KYNU: variants seen among roughly 807,000 people sequenced by gnomAD.
KYNU encodes L-kynurenine hydrolase.
In KYNU, 54 loss-of-function variants were observed where a neutral mutation model predicts 59.2. The ratio of observed to expected loss-of-function variants is 0.91; its 90% CI spans 0.73 to 1.14. The LOEUF is 1.14. Ranked by LOEUF, KYNU falls within the 50% of genes most tolerant of loss-of-function variation. The pLI is 0.00. For missense variants in KYNU, 567 were observed against 554.4 expected (o/e 1.02, Z -0.23); for synonymous variants, 177 against 192.0 (o/e 0.92, Z 0.65).
intron 10 of KYNU, among the ~76,000 whole-genome samples, chr2:143,023,506 C>G (rs1028364406): frequency 3.3e-5 from 5 of 151,864 alleles, no homozygotes; most frequent in African/African-American, 1.2e-4. Context: ...CTGTCATGGA[C>G]TTAGGTTAAT....
rs1470582478 is a variant in KYNU at position 143,054,838 on chromosome 2, A to G, written c.*12666A>G. 1.3e-5 allele frequency: 2 copies of G among 152,220 alleles called. No individual in the cohort carries two copies. The highest frequency in any genetic ancestry group is 4.8e-5 in the African/African-American group (2 of 41,454). The allele number at this position is 152,220 out of a possible 1,614,324, so 9.4% of individuals were successfully genotyped here. On this transcript the variant is annotated 3_prime_UTR_variant, in exon 14 of 14. Transcript: ENST00000264170. Reference sequence around the variant, plus strand: ...AGAAGGCACTACCCTGAATTATGAGACTGAAGAGATATAATAAACAAATGC... The same window carrying G: ...AGAAGGCACTACCCTGAATTATGAGGCTGAAGAGATATAATAAACAAATGC...
chr2:142,947,160 GTAA>G, intron 4 of KYNU: 1 of 1,551,082 alleles, frequency 6.4e-7, no homozygotes. Context: ...CTCAGTATGT[GTAA>G]TCTTAAGTCA....
At chr2:142,903,198 G>A (rs943756650) in intron 2 of KYNU, among the ~76,000 whole-genome samples, 3 of 152,028 alleles carry the variant, frequency 2.0e-5, no homozygotes, top group Non-Finnish European at 4.4e-5. Flanking sequence ...AGTCCTTGTT[G>A]GGCCTCGGGT....
At chr2:142,924,458 T>C (rs183745918) in intron 3 of KYNU, among the ~76,000 whole-genome samples, 128 of 152,250 alleles carry the variant, frequency 8.4e-4, no homozygotes, top group Admixed American at 1.4e-3. Flanking sequence ...AAAAAAATTA[T>C]AATGTAATGA....
At chr2:142,960,165 G>C (rs557543707) in intron 7 of KYNU, among the ~76,000 whole-genome samples, 1 of 152,290 alleles carries the variant, frequency 6.6e-6, no homozygotes, top group African/African-American at 2.4e-5. Flanking sequence ...AGGATTACAG[G>C]CGTGAGCCAC....
intron 2 of KYNU, among the ~76,000 whole-genome samples, chr2:142,913,340 T>C (rs1160984005): frequency 6.6e-6 from 1 of 152,238 alleles, no homozygotes; most frequent in African/African-American, 2.4e-5. Context: ...CTATAAGTTT[T>C]CCTCATAATA....
Position 143,016,902 on chromosome 2 carries a change from G to A in KYNU, c.903-12725G>A, listed in dbSNP as rs570159751. 1.5e-3 allele frequency among the ~76,000 whole-genome samples: 222 copies of A among 152,042 alleles called. 1 individual carries two copies. The highest frequency in any genetic ancestry group is 5.0e-3 in the African/African-American group (208 of 41,448). On this transcript the variant is annotated intron_variant, in intron 10 of 13. Coordinates refer to ENST00000264170, the MANE Select transcript of KYNU (RefSeq NM_003937.3). ...TTCTCAATCCCCTCCCTCTCTCCTC[G>A]CTTTAGTAGTCCGCAGTGTCTGTTG...
At chr2:142,919,072 A>G (rs564249751) in intron 3 of KYNU, among the ~76,000 whole-genome samples, 100 of 152,360 alleles carry the variant, frequency 6.6e-4, no homozygotes, top group African/African-American at 2.3e-3. Context: ...AAGTCTGTAC[A>G]TGTTTAGTAT....
chr2:143,017,434 C>CTTTTT (rs1184177776), intron 10 of KYNU, among the ~76,000 whole-genome samples: 91 of 68,464 alleles, frequency 1.3e-3, no homozygotes, highest in Admixed American at 2.0e-3. Flanking sequence ...TCTCTTTTTT[C>CTTTTT]TTTTTTTTTT....
intron 10 of KYNU, 35 bp downstream of exon 10, chr2:142,986,056 A>T: frequency 1.4e-6 from 2 of 1,439,220 alleles, no homozygotes; most frequent in Non-Finnish European, 2.0e-6. Context: ...TTTGGTGATG[A>T]ACAAATTAAT....
At chr2:142,942,752 C>A (rs1466601298) in intron 4 of KYNU, among the ~76,000 whole-genome samples, 1 of 152,196 alleles carries the variant, frequency 6.6e-6, no homozygotes, top group Non-Finnish European at 1.5e-5. Flanking sequence ...AGATCAAGTG[C>A]ATGGTTTGAC....
intron 3 of KYNU, among the ~76,000 whole-genome samples, chr2:142,925,443 G>A (rs1391702863): frequency 2.0e-5 from 3 of 152,130 alleles, no homozygotes; most frequent in Non-Finnish European, 4.4e-5. Flanking sequence ...GCTGATGAAG[G>A]TAGTTTTAGC....
intron 12 of KYNU, among the ~76,000 whole-genome samples, chr2:143,038,689 C>T (rs1686956420): frequency 6.6e-6 from 1 of 152,104 alleles, no homozygotes; most frequent in Admixed American, 6.6e-5. Context: ...ATATCATTTA[C>T]CTTCAGTACA....
chr2:143,005,572 A>G (rs1685853412), intron 10 of KYNU, among the ~76,000 whole-genome samples: 1 of 152,152 alleles, frequency 6.6e-6, no homozygotes, highest in Admixed American at 6.5e-5. Flanking sequence ...AGAAGTATAC[A>G]AAGTTGTATG....
rs1387737395 is a variant in KYNU, at chr2:142,969,574, GTTTAA to G, written c.729+8810_729+8814del. On this transcript the variant is annotated intron_variant, in intron 8 of 13. Transcript: ENST00000264170. ...TGTTTCTAAGAAGTCTTCATCAGGTGTTTAATTTAAGCTTTTGATTAAATAGACCA... is the reference window on the plus strand; with the variant it reads ...TGTTTCTAAGAAGTCTTCATCAGGTGTTTAAGCTTTTGATTAAATAGACCA... Among the ~76,000 whole-genome samples, 4 of 152,156 alleles carry G rather than the reference GTTTAA, an allele frequency of 2.6e-5. No individual in the cohort carries two copies. In the South Asian group the frequency reaches 8.3e-4, roughly 32 times the overall value.
intron 4 of KYNU, among the ~76,000 whole-genome samples, chr2:142,936,974 C>T (rs527775653): frequency 3.9e-5 from 6 of 152,260 alleles, no homozygotes; most frequent in South Asian, 4.1e-4. Context: ...TTTTAATGAG[C>T]GCCTGGGTGC....
intron 4 of KYNU, among the ~76,000 whole-genome samples, chr2:142,938,223 A>C (rs1426541683): frequency 6.6e-6 from 1 of 152,222 alleles, no homozygotes; most frequent in Non-Finnish European, 1.5e-5. Flanking sequence ...GTGGGGTCCT[A>C]GTGCATGAGC....
intron 10 of KYNU, among the ~76,000 whole-genome samples, chr2:143,012,253 G>A (rs967464217): frequency 2.0e-5 from 3 of 151,908 alleles, no homozygotes; most frequent in Non-Finnish European, 4.4e-5. Context: ...AGGCCGAGGC[G>A]GGTGGATCAC....
At chr2:142,968,770 G>T (rs1284967501) in intron 8 of KYNU, among the ~76,000 whole-genome samples, 1 of 152,038 alleles carries the variant, frequency 6.6e-6, no homozygotes, top group Non-Finnish European at 1.5e-5. Context: ...AAATATAGCT[G>T]GGTGTGATTG....
Sources: allele counts gnomAD v4.1 joint callset (sites outside exome capture counted in the v4.1 genomes callset), GRCh38; gene constraint gnomAD v4.1.1; transcripts MANE v1.5; gene names NCBI Gene and HGNC (gene_info 2026-07-23, HGNC 2026-07-21).